CADPS: variants seen among roughly 807,000 people sequenced by gnomAD.
The protein encoded by CADPS is calcium dependent secretion activator.
In CADPS, 57 loss-of-function variants were observed where a neutral mutation model predicts 167.3. That is an observed-to-expected ratio of 0.34 (90% CI 0.28 to 0.42). The LOEUF (loss-of-function observed/expected upper bound fraction) is 0.42, where lower values mean the gene tolerates loss of function less well. Among genes scored for constraint, CADPS ranks in the 20% least tolerant of loss-of-function variants. The pLI, the probability that CADPS is intolerant of heterozygous loss-of-function variation, is 1.00. For synonymous variants in CADPS, 676 were observed against 635.3 expected (o/e 1.06, Z -0.96); for missense variants, 1,414 against 1,738.1 (o/e 0.81, Z 3.32).
At chr3:62,813,933 C>T (rs550673028) in intron 1 of CADPS, among the ~76,000 whole-genome samples, 11 of 152,070 alleles carry the variant, frequency 7.2e-5, no homozygotes, top group East Asian at 1.9e-4. Context: ...TTTTATTGAA[C>T]GAACAAATGA....
chr3:62,494,760 G>A (rs1054006263), intron 18 of CADPS, among the ~76,000 whole-genome samples: 4 of 143,198 alleles, frequency 2.8e-5, no homozygotes, highest in African/African-American at 1.0e-4. Flanking sequence ...CCCTGCCTCA[G>A]CCTCCTGACT....
At chr3:62,689,763 A>G (rs1464099258) in intron 3 of CADPS, among the ~76,000 whole-genome samples, 1 of 152,028 alleles carries the variant, frequency 6.6e-6, no homozygotes, top group Non-Finnish European at 1.5e-5. Flanking sequence ...ATCAATTCAC[A>G]CAATGTGTTA....
At chr3:62,620,983 G>A (rs1288968754) in intron 6 of CADPS, among the ~76,000 whole-genome samples, 1 of 152,180 alleles carries the variant, frequency 6.6e-6, no homozygotes, top group Admixed American at 6.5e-5. Context: ...CCAGTCTTGT[G>A]TAATGCTCTG....
chr3:62,544,739 C>T lies in CADPS; in HGVS notation c.1966+5164G>A. 2.5e-6 allele frequency: 1 copy of T among 406,310 alleles called. No individual in the cohort carries two copies. Among genetic ancestry groups the T allele is most frequent in the Non-Finnish European group, 3.5e-6 (1 of 284,270 alleles). The allele number at this position is 406,310 out of a possible 1,614,324, so 25.2% of individuals were successfully genotyped here. ...CAGGAAAATAACATGAAAAGTTGTA[C>T]TACAAATTCTAGACATGAGGAAGAT... On this transcript the variant is annotated intron_variant, in intron 11 of 29. Coordinates refer to ENST00000383710, the MANE Select transcript of CADPS (RefSeq NM_003716.4). This position sits in a 1 kb window ranked among gnomAD's most constrained non-coding sequence, Gnocchi z 4.4.
intron 19 of CADPS, among the ~76,000 whole-genome samples, chr3:62,493,068 G>T (rs2064010794): frequency 2.6e-5 from 4 of 152,196 alleles, no homozygotes; most frequent in Admixed American, 2.6e-4. Flanking sequence ...CTGGAGGAAA[G>T]ATCAGGCTTA....
At position 62,737,802 on chromosome 3, in the gene CADPS, G is replaced by C. The variant is rs74480367; in HGVS notation, c.888+15639C>G. Among the ~76,000 whole-genome samples the C allele has an allele frequency of 6.5e-3, 996 of 152,170 alleles. 11 individuals carry two copies. The highest frequency in any genetic ancestry group is 0.023 in the African/African-American group (935 of 41,506). ...TTCCAGGTATGATCTTCCCCAGGCT[G>C]TTCCTTCATTTCCATCAGGCCTCTG... is the stretch of plus-strand genomic sequence containing the variant. On this transcript the variant is annotated intron_variant, in intron 3 of 29. Transcript: ENST00000383710.
intron 6 of CADPS, among the ~76,000 whole-genome samples, chr3:62,624,825 C>A (rs1018421161): frequency 2.0e-5 from 3 of 151,344 alleles, no homozygotes; most frequent in African/African-American, 7.3e-5. Context: ...TATGGCCCCA[C>A]CTCCATGCCC....
At chr3:62,687,973 C>T (rs2078394014) in intron 3 of CADPS, among the ~76,000 whole-genome samples, 1 of 151,996 alleles carries the variant, frequency 6.6e-6, no homozygotes, top group Non-Finnish European at 1.5e-5. Flanking sequence ...TTCTTCAAAT[C>T]CCTTTCATCA....
intron 1 of CADPS, among the ~76,000 whole-genome samples, chr3:62,862,355 T>G (rs1322021860): frequency 2.0e-5 from 3 of 151,926 alleles, no homozygotes; most frequent in Non-Finnish European, 4.4e-5. Context: ...TAGCTGGGGT[T>G]ACAGGCACGC....
intron 21 of CADPS, among the ~76,000 whole-genome samples, chr3:62,486,129 T>G (rs1353390732): frequency 6.6e-6 from 1 of 152,216 alleles, no homozygotes; most frequent in Non-Finnish European, 1.5e-5. Flanking sequence ...ATCTTAAATA[T>G]ATACAATAAA....
chr3:62,659,196 G>C (rs1369419410), intron 4 of CADPS, among the ~76,000 whole-genome samples: 5 of 152,244 alleles, frequency 3.3e-5, no homozygotes, highest in South Asian at 4.1e-4. Context: ...CATATGGGTT[G>C]AATTGCACAT....
chr3:62,571,793 A>T (rs908170612), intron 8 of CADPS, among the ~76,000 whole-genome samples: 1 of 152,084 alleles, frequency 6.6e-6, no homozygotes, highest in Non-Finnish European at 1.5e-5. Flanking sequence ...CGAACTCCCA[A>T]CCTCAGTTGA....
intron 3 of CADPS, among the ~76,000 whole-genome samples, chr3:62,674,562 G>GT (rs140869877): frequency 2.6e-5 from 4 of 151,984 alleles, no homozygotes; most frequent in African/African-American, 7.3e-5. Flanking sequence ...TAACCAAGTA[G>GT]TTTTTTTTAT....
At position 62,602,619 on chromosome 3, in the gene CADPS, T is replaced by A. The variant is rs532375217; in HGVS notation, c.1326-9871A>T. On this transcript the variant is annotated intron_variant, in intron 6 of 29. Coordinates refer to ENST00000383710, the MANE Select transcript of CADPS (RefSeq NM_003716.4). This position sits in a 1 kb window ranked among gnomAD's most constrained non-coding sequence, Gnocchi z 4.4. ...ATGCAAACTAATTGATAGGCTGGGC[T>A]TTGGGTTCTTTAGTGTACTAGAAAA... is the stretch of plus-strand genomic sequence containing the variant. Among the ~76,000 whole-genome samples, 1 of 152,260 alleles carries A rather than the reference T, an allele frequency of 6.6e-6. No individual in the cohort carries two copies. Among genetic ancestry groups the A allele is most frequent in the South Asian group, 2.1e-4 (1 of 4,818 alleles).
chr3:62,573,455 G>T (rs2081666897), intron 8 of CADPS, among the ~76,000 whole-genome samples: 1 of 152,170 alleles, frequency 6.6e-6, no homozygotes, highest in South Asian at 2.1e-4. Context: ...TCAGTGCCAT[G>T]AATGCACTTG....
intron 24 of CADPS, among the ~76,000 whole-genome samples, chr3:62,470,113 A>G (rs1427528860): frequency 1.3e-5 from 2 of 152,230 alleles, no homozygotes; most frequent in Non-Finnish European, 2.9e-5. Context: ...TTCTATTGGT[A>G]CTTCACAAAT....
intron 1 of CADPS, among the ~76,000 whole-genome samples, chr3:62,799,012 T>C (rs1024183362): frequency 3.3e-5 from 5 of 152,186 alleles, no homozygotes; most frequent in African/African-American, 4.8e-5. Flanking sequence ...TATTACCCTA[T>C]AGAGCTGCTT....
chr3:62,562,576 C>T (rs537353393), intron 9 of CADPS, among the ~76,000 whole-genome samples: 11 of 152,282 alleles, frequency 7.2e-5, no homozygotes, highest in East Asian at 5.8e-4. Flanking sequence ...CTCAGGTGAT[C>T]GTCCCAGCTC....
At chr3:62,837,787 G>A (rs1477172193) in intron 1 of CADPS, among the ~76,000 whole-genome samples, 1 of 152,182 alleles carries the variant, frequency 6.6e-6, no homozygotes, top group Non-Finnish European at 1.5e-5. Flanking sequence ...TTGACTTGGG[G>A]TAAAAGATTT....
Sources: allele counts gnomAD v4.1 joint callset (sites outside exome capture counted in the v4.1 genomes callset), GRCh38; gene constraint gnomAD v4.1.1; non-coding constraint Gnocchi (gnomAD v3.1); transcripts MANE v1.5; gene names NCBI Gene and HGNC (gene_info 2026-07-23, HGNC 2026-07-21).